Variants in YBX3 observed in about 807,000 individuals in gnomAD.
The protein encoded by YBX3 is Y-box binding protein 3, also known as Y-box-binding protein 3.
In YBX3, 29 loss-of-function variants were observed where a neutral mutation model predicts 42.4. That is an observed-to-expected ratio of 0.68 (90% confidence interval 0.51 to 0.93). YBX3 has a LOEUF of 0.93. Ranked by LOEUF, YBX3 falls within the 40% of genes least tolerant of loss-of-function variation. The pLI is 0.00. For missense variants in YBX3, 517 were observed against 527.5 expected, an observed-to-expected ratio of 0.98 and a Z score of 0.19; for synonymous variants, 195 against 189.8, an observed-to-expected ratio of 1.03 and a Z score of -0.22.
At chr12:10,701,541 GA>G (rs1245315499) in intron 8 of YBX3, among the ~76,000 whole-genome samples, 188 bp from the exon 9 acceptor site, 1 of 151,910 alleles carries the variant, frequency 6.6e-6, no homozygotes, top group African/African-American at 2.4e-5. Context: ...AAAACAAAAC[GA>G]AACCAAAACC....
intron 2 of YBX3, 31 bp downstream of exon 2, chr12:10,719,049 T>G (rs1198421288): frequency 6.3e-7 from 1 of 1,599,056 alleles, no homozygotes; most frequent in Non-Finnish European, 8.6e-7. Flanking sequence ...AAGTATAAAC[T>G]TAAAACATGC....
intron 9 of YBX3, 107 bp downstream of exon 9, chr12:10,701,147 C>A: frequency 1.5e-6 from 1 of 648,532 alleles, no homozygotes; most frequent in South Asian, 1.9e-5. Context: ...AAGGGGTTGG[C>A]ACAGATGAAC....
chr12:10,711,133 A>T (rs1436641731), intron 5 of YBX3: 2 of 152,070 alleles, frequency 1.3e-5, no homozygotes, highest in Admixed American at 1.3e-4. Context: ...TTCACAAAGG[A>T]ATTTACCGAT....
In YBX3 at chr12:10,702,079, C is replaced by CT. The variant is rs753333545; in HGVS notation, c.933dup (p.Glu312ArgfsTer32). On this transcript the variant is annotated frameshift_variant, in exon 8 of 10. Transcript: ENST00000228251. LOFTEE classifies it high-confidence loss of function. The stretch of plus-strand genomic sequence containing the variant: ...GGACCACTGGTGGCTTGCTGATTTT[C>CT]TTTATCTTCAGCCTCTCCAACTGCT... The CT allele has an allele frequency of 6.2e-7, 1 of 1,614,184 alleles. No individual in the cohort carries two copies. The highest frequency in any genetic ancestry group is 1.7e-5 in the Admixed American group (1 of 60,024).
intron 6 of YBX3, among the ~76,000 whole-genome samples, chr12:10,709,161 C>A (rs11053912): frequency 2.0e-5 from 3 of 151,716 alleles, no homozygotes; most frequent in Non-Finnish European, 2.9e-5. Flanking sequence ...AAACATCTAG[C>A]GGTGAGGGGA....
intron 7 of YBX3, chr12:10,703,489 G>C (rs1393723514): frequency 2.9e-6 from 1 of 345,516 alleles, no homozygotes; most frequent in Non-Finnish European, 5.7e-6. Flanking sequence ...TACTTTATCA[G>C]GTACCACACT....
At chr12:10,722,792 C>T in intron 1 of YBX3, 58 bp downstream of exon 1, 3 of 1,336,608 alleles carry the variant, frequency 2.2e-6, no homozygotes, top group Non-Finnish European at 2.9e-6. Flanking sequence ...ACACGTGCTC[C>T]GCGGCCGGCT....
chr12:10,705,643 A>C (rs1165232307), intron 6 of YBX3, among the ~76,000 whole-genome samples: 1 of 152,232 alleles, frequency 6.6e-6, no homozygotes, highest in Non-Finnish European at 1.5e-5. Flanking sequence ...CCTCCACTGT[A>C]AGTTGACTCT....
intron 9 of YBX3, among the ~76,000 whole-genome samples, chr12:10,700,563 A>C (rs1280867028): frequency 1.3e-5 from 2 of 152,232 alleles, no homozygotes; most frequent in African/African-American, 4.8e-5. Context: ...AAAAAAGTAG[A>C]AAATGACAAG....
At chr12:10,712,971 A>G in intron 5 of YBX3, 2 of 470,734 alleles carry the variant, frequency 4.2e-6, no homozygotes, top group South Asian at 3.7e-5. Context: ...AAATCTCAGA[A>G]ATCACCACTA....
intron 6 of YBX3, 135 bp downstream of exon 6, chr12:10,709,773 G>T: frequency 9.2e-7 from 1 of 1,081,190 alleles, no homozygotes; most frequent in South Asian, 1.3e-5. Context: ...TGAAGGCCTT[G>T]CCTCAGCTTT....
rs1207497455 is a variant in YBX3, at chr12:10,713,297, C to T, written c.487G>A (p.Val163Ile). ...EAANVTGPDG[V>I]PVEGSRYAAD... ...GCGTAACGACTCCCTTCCACAGGAA[C>T]TCCATCCGGGCCAGTCACATTGGCA... Residue 163 changes from valine to isoleucine, a missense_variant, in exon 5 of 10, where the codon GTT (valine) becomes ATT (isoleucine). Physicochemically the swap from Val to Ile is conservative, Grantham distance 29 (BLOSUM62 3). Transcript: ENST00000228251. The T allele has an allele frequency of 1.2e-6, 2 of 1,613,938 alleles. No homozygotes were observed. Among genetic ancestry groups the T allele is most frequent in the African/African-American group, 2.7e-5 (2 of 74,910 alleles).
At chr12:10,708,513 T>C (rs912618047) in intron 6 of YBX3, among the ~76,000 whole-genome samples, 3 of 152,238 alleles carry the variant, frequency 2.0e-5, no homozygotes, top group Non-Finnish European at 4.4e-5. Context: ...CTTTTGATGC[T>C]CTTGACTGGC....
chr12:10,707,305 A>G (rs1591575872), intron 6 of YBX3, among the ~76,000 whole-genome samples: 1 of 152,134 alleles, frequency 6.6e-6, no homozygotes, highest in Admixed American at 6.5e-5. Flanking sequence ...AATATGAGAA[A>G]AAGACCTCCA....
rs188279139 is a variant in YBX3, at chr12:10,708,819, A to C, written c.780+1089T>G. On this transcript the variant is annotated intron_variant, in intron 6 of 9. Transcript: ENST00000228251. The stretch of plus-strand genomic sequence containing the variant: ...TCAAAAGATATGAAAAAGAATCATC[A>C]TGCTTTCAGCAAACGTGATATATGT... Among the ~76,000 whole-genome samples, 3 of 152,372 alleles carry C rather than the reference A, an allele frequency of 2.0e-5. No individual in the cohort carries two copies. In the East Asian group the frequency reaches 5.8e-4, roughly 29 times the overall value.
intron 4 of YBX3, among the ~76,000 whole-genome samples, chr12:10,715,117 T>G (rs1454043106): frequency 6.6e-6 from 1 of 152,190 alleles, no homozygotes; most frequent in African/African-American, 2.4e-5. Context: ...TCGAAATACA[T>G]ACCTTTGGTA....
At chr12:10,714,383 C>T (rs978325567) in intron 4 of YBX3, among the ~76,000 whole-genome samples, 1 of 152,072 alleles carries the variant, frequency 6.6e-6, no homozygotes, top group Non-Finnish European at 1.5e-5. Context: ...GTAGTTTTAG[C>T]GTGTTTTTAA....
chr12:10,699,436 C>A lies in YBX3; in HGVS notation c.*253G>T, dbSNP rs1477695450. The A allele has an allele frequency of 6.6e-6, 1 of 152,578 alleles. No individual in the cohort carries two copies. Among genetic ancestry groups the A allele is most frequent in the Non-Finnish European group, 1.5e-5 (1 of 68,020 alleles). The allele number at this position is 152,578 out of a possible 1,614,324, so 9.5% of individuals were successfully genotyped here. ...TTGCTGAAACTGGAGAGGCTACTCT[C>A]TTGTCTTCCGTGCAGGAATTCCCAG... is the stretch of plus-strand genomic sequence containing the variant. On this transcript the variant is annotated 3_prime_UTR_variant, in exon 10 of 10. Transcript: ENST00000228251.
intron 2 of YBX3, among the ~76,000 whole-genome samples, chr12:10,718,795 T>C (rs991609053): frequency 6.6e-6 from 1 of 152,244 alleles, no homozygotes; most frequent in African/African-American, 2.4e-5. Context: ...TGTGAAATTA[T>C]GGATATGGTC....
Sources: gnomAD v4.1 joint callset for allele counts (sites outside exome capture counted in the v4.1 genomes callset) on GRCh38, gnomAD v4.1.1 for gene constraint, MANE v1.5 for transcripts, NCBI Gene and HGNC (gene_info 2026-07-23, HGNC 2026-07-21) for gene names.